Variants in DSCAML1 observed in about 807,000 individuals in gnomAD.
DSCAML1 encodes the protein cell adhesion molecule DSCAML1.
DSCAML1 carries 38 observed loss-of-function variants against 200.5 expected under a neutral mutation model. The observed-to-expected ratio is 0.19, with a 90% CI of 0.15 to 0.25. The LOEUF is 0.25. Ranked by LOEUF, DSCAML1 falls within the 10% of genes least tolerant of loss-of-function variation. The probability of loss-of-function intolerance (pLI) is 1.00; values close to 1 mark genes in which losing one functional copy is unlikely to be tolerated. For synonymous variants in DSCAML1, 1,215 were observed against 1,165.0 expected (o/e 1.04, Z -0.87); for missense variants, 2,223 against 2,858.8 (o/e 0.78, Z 5.07).
chr11:117,591,125 G>A (rs550149088), intron 3 of DSCAML1, among the ~76,000 whole-genome samples: 38 of 152,080 alleles, frequency 2.5e-4, no homozygotes, highest in Non-Finnish European at 3.7e-4. Flanking sequence ...TAGTGTAGAA[G>A]AGGGGGTATT....
intron 3 of DSCAML1, among the ~76,000 whole-genome samples, chr11:117,553,566 C>A (rs1030600688): frequency 6.6e-6 from 1 of 152,114 alleles, no homozygotes; most frequent in Non-Finnish European, 1.5e-5. Context: ...AAATCAAAAC[C>A]GCATTGAGAT....
chr11:117,528,169 C>T (rs2137331870), intron 4 of DSCAML1, among the ~76,000 whole-genome samples: 1 of 152,290 alleles, frequency 6.6e-6, no homozygotes, highest in South Asian at 2.1e-4. Flanking sequence ...TCTTCTCCCA[C>T]CCCCAACCCG....
At chr11:117,811,787 C>G (rs779157843) in intron 1 of DSCAML1, among the ~76,000 whole-genome samples, 2 of 152,204 alleles carry the variant, frequency 1.3e-5, no homozygotes, top group Admixed American at 6.5e-5. Context: ...TAGACCATCG[C>G]GGATGCCGAG....
At chr11:117,600,075 G>A (rs577971785) in intron 3 of DSCAML1, among the ~76,000 whole-genome samples, 2 of 152,344 alleles carry the variant, frequency 1.3e-5, no homozygotes, top group East Asian at 1.9e-4. Flanking sequence ...CCACATGGTA[G>A]AGGTATGGCG....
At chr11:117,536,120 C>T (rs778978963) in intron 3 of DSCAML1, among the ~76,000 whole-genome samples, 22 of 152,066 alleles carry the variant, frequency 1.4e-4, no homozygotes, top group Non-Finnish European at 2.2e-4. Context: ...ATGCACAGCG[C>T]GAGAGGGGAA....
At chr11:117,580,534 T>C (rs2051020166) in intron 3 of DSCAML1, among the ~76,000 whole-genome samples, 1 of 152,058 alleles carries the variant, frequency 6.6e-6, no homozygotes, top group African/African-American at 2.4e-5. Context: ...AGAAAATGCA[T>C]GAGAGGCTCT....
intron 4 of DSCAML1, among the ~76,000 whole-genome samples, chr11:117,531,197 C>G (rs1233352793): frequency 6.6e-6 from 1 of 152,168 alleles, no homozygotes; most frequent in Non-Finnish European, 1.5e-5. Context: ...TATGGGCATT[C>G]AACTGACCCC....
At chr11:117,616,581 A>T (rs1442796241) in intron 3 of DSCAML1, among the ~76,000 whole-genome samples, 1 of 152,224 alleles carries the variant, frequency 6.6e-6, no homozygotes, top group Non-Finnish European at 1.5e-5. Flanking sequence ...GGTTGAGCAA[A>T]AGAAGCCAGA....
intron 3 of DSCAML1, among the ~76,000 whole-genome samples, chr11:117,548,484 C>T (rs1319210639): frequency 6.6e-6 from 1 of 152,232 alleles, no homozygotes; most frequent in African/African-American, 2.4e-5. Flanking sequence ...TCCAGCTAAC[C>T]AGAACCTTCT....
At chr11:117,443,767 C>T in intron 21 of DSCAML1, 119 bp downstream of exon 21, 1 of 1,422,078 alleles carries the variant, frequency 7.0e-7, no homozygotes, top group Non-Finnish European at 9.4e-7. Flanking sequence ...TGGCCAGTTC[C>T]TCACAGCTGG....
chr11:117,665,398 C>A (rs751304781), intron 3 of DSCAML1, among the ~76,000 whole-genome samples: 1 of 152,158 alleles, frequency 6.6e-6, no homozygotes, highest in Non-Finnish European at 1.5e-5. Context: ...CACAGCTAAC[C>A]CTTCCTGTGG....
chr11:117,498,989 C>G lies in DSCAML1; in HGVS notation c.2359+4856G>C, dbSNP rs540239679. Reference sequence around the variant, plus strand: ...TCCAACGAGACCTGTCTAATAAGGTCACCTGCTGGATAAGAGGATGGCCGA... The same window carrying G: ...TCCAACGAGACCTGTCTAATAAGGTGACCTGCTGGATAAGAGGATGGCCGA... On this transcript the variant is annotated intron_variant, in intron 11 of 32. Transcript: ENST00000651296. This position sits in a 1 kb window ranked among gnomAD's most constrained non-coding sequence, Gnocchi z 4.0. 1.3e-5 allele frequency among the ~76,000 whole-genome samples: 2 copies of G among 152,258 alleles called. No homozygotes were observed. Among genetic ancestry groups the G allele is most frequent in the Admixed American group, 6.5e-5 (1 of 15,302 alleles).
At chr11:117,591,184 GCA>G (rs948069279) in intron 3 of DSCAML1, among the ~76,000 whole-genome samples, 8 of 152,052 alleles carry the variant, frequency 5.3e-5, no homozygotes, top group African/African-American at 1.9e-4. Flanking sequence ...ACAGAGAGCA[GCA>G]CAGTTAGGAA....
intron 3 of DSCAML1, among the ~76,000 whole-genome samples, chr11:117,748,043 C>G (rs2054545403): frequency 6.6e-6 from 1 of 152,188 alleles, no homozygotes; most frequent in Non-Finnish European, 1.5e-5. Context: ...TTCTTGGAAA[C>G]ACAGACCTGC....
intron 3 of DSCAML1, among the ~76,000 whole-genome samples, chr11:117,648,353 G>T (rs890473413): frequency 6.6e-6 from 1 of 152,212 alleles, no homozygotes; most frequent in South Asian, 2.1e-4. Context: ...TTTCCTGAGC[G>T]CCAAAGCCCT....
At chr11:117,636,075 C>T (rs1037369366) in intron 3 of DSCAML1, among the ~76,000 whole-genome samples, 3 of 152,184 alleles carry the variant, frequency 2.0e-5, no homozygotes, top group Non-Finnish European at 4.4e-5. Flanking sequence ...GTCCCCCGAC[C>T]ATCCTGCTGT....
chr11:117,534,416 A>T (rs778278399), intron 3 of DSCAML1, among the ~76,000 whole-genome samples: 28 of 151,960 alleles, frequency 1.8e-4, no homozygotes, highest in Non-Finnish European at 2.9e-4. Flanking sequence ...CCCATTCCAA[A>T]GTTGACTTTT....
At position 117,731,885 on chromosome 11, in the gene DSCAML1, C is replaced by T. The variant is rs145915039; in HGVS notation, c.511+44906G>A. 6.8e-4 allele frequency among the ~76,000 whole-genome samples: 104 copies of T among 152,324 alleles called. 1 individual carries two copies. The highest frequency in any genetic ancestry group is 6.8e-3 in the Middle Eastern group (2 of 294). On this transcript the variant is annotated intron_variant, in intron 3 of 32. Coordinates refer to ENST00000651296, the MANE Select transcript of DSCAML1 (RefSeq NM_020693.4). ...CCTGGGCAGACACAGCTGGGACCCA[C>T]AGTAAAGAGAAAGAAAAAGCAGCAG...
intron 3 of DSCAML1, among the ~76,000 whole-genome samples, chr11:117,669,558 C>T (rs1337448605): frequency 6.6e-6 from 1 of 152,136 alleles, no homozygotes; most frequent in Non-Finnish European, 1.5e-5. Context: ...CAGACATGGC[C>T]CTAGTGCTGA....
Sources: allele counts gnomAD v4.1 joint callset (sites outside exome capture counted in the v4.1 genomes callset), GRCh38; gene constraint gnomAD v4.1.1; non-coding constraint Gnocchi (gnomAD v3.1); transcripts MANE v1.5; gene names NCBI Gene and HGNC (gene_info 2026-07-23, HGNC 2026-07-21).